The following LNPK variants were observed in gnomAD, a reference collection of about 807,000 sequenced individuals.
LNPK encodes the protein endoplasmic reticulum junction formation protein lunapark.
In LNPK, 29 loss-of-function variants were observed where a neutral mutation model predicts 55.2. The ratio of observed to expected loss-of-function variants is 0.53; its 90% CI spans 0.39 to 0.72. The LOEUF (loss-of-function observed/expected upper bound fraction) is 0.72, where lower values mean the gene tolerates loss of function less well. LNPK is among the 30% of genes least tolerant of loss of function. The pLI is 0.00. For synonymous variants in LNPK, 162 were observed against 168.2 expected (o/e 0.96, Z 0.29); for missense variants, 467 against 494.8 (o/e 0.94, Z 0.53).
chr2:175,998,783 C>T (rs1688055834), intron 1 of LNPK, among the ~76,000 whole-genome samples: 2 of 152,048 alleles, frequency 1.3e-5, no homozygotes, highest in Non-Finnish European at 2.9e-5. Flanking sequence ...AATGATTTGC[C>T]AAAATCATGT....
rs1028487618 is a variant in LNPK at position 175,924,251 on chromosome 2, C to G, written c.*5716G>C. 3 of 152,180 alleles carry G rather than the reference C, an allele frequency of 2.0e-5. No individual in the cohort carries two copies. The highest frequency in any genetic ancestry group is 7.2e-5 in the African/African-American group (3 of 41,446). 9.4% of individuals were successfully genotyped at this position (152,180 alleles called of 1,614,324 possible). A position where few individuals can be genotyped will look rare whatever the true frequency, so the allele number is the denominator to read the frequency against. On this transcript the variant is annotated 3_prime_UTR_variant, in exon 13 of 13. Transcript: ENST00000272748. Reference sequence around the variant, plus strand: ...ATATTCTCCCAATTTTCTAGAGTAGCTAGTCTCCATGACCATTTCAAAATA... The same window carrying G: ...ATATTCTCCCAATTTTCTAGAGTAGGTAGTCTCCATGACCATTTCAAAATA...
chr2:175,995,991 T>C (rs1687914817), intron 1 of LNPK, among the ~76,000 whole-genome samples: 1 of 151,930 alleles, frequency 6.6e-6, no homozygotes, highest in African/African-American at 2.4e-5. Flanking sequence ...TTTTGTATTC[T>C]TGGTAGAGAC....
At chr2:175,993,935 G>A (rs1687818634) in intron 2 of LNPK, among the ~76,000 whole-genome samples, 1 of 152,110 alleles carries the variant, frequency 6.6e-6, no homozygotes, top group South Asian at 2.1e-4. Flanking sequence ...ATTGCTAAAA[G>A]TTCACTTAAG....
chr2:175,963,439 G>C (rs1191194679), intron 8 of LNPK, among the ~76,000 whole-genome samples: 2 of 152,090 alleles, frequency 1.3e-5, no homozygotes, highest in Non-Finnish European at 2.9e-5. Context: ...ATCATTCTCA[G>C]TAAACTATCA....
At position 175,937,397 on chromosome 2, in the gene LNPK, A is replaced by G. The variant is rs1040316125; in HGVS notation, c.1001T>C (p.Val334Ala). Residue 334 changes from valine (V) to alanine (A), a missense_variant, in exon 12 of 13, where the codon GTT (valine) becomes GCT (alanine). By Grantham distance (64) the Val-to-Ala change is moderately conservative (BLOSUM62 0). Transcript: ENST00000272748. ...CACACTTCCTGATGGCAAGGGACCA[A>G]CTGAACTTGAACCTTCCACCACCTG... ...KRQVVEGSSS[V>A]GPLPSGSVLS... The G allele has an allele frequency of 5.0e-6, 8 of 1,613,776 alleles. No individual in the cohort carries two copies. Among genetic ancestry groups the G allele is most frequent in the Middle Eastern group, 3.3e-4 (2 of 6,060 alleles).
At chr2:175,994,066 A>T in intron 2 of LNPK, 1 of 450,568 alleles carries the variant, frequency 2.2e-6, no homozygotes, top group Non-Finnish European at 2.9e-6. Context: ...TTTGCCAATG[A>T]TATTTTTTAT....
At chr2:175,976,891 G>A (rs1413604170) in intron 5 of LNPK, among the ~76,000 whole-genome samples, 1 of 152,150 alleles carries the variant, frequency 6.6e-6, no homozygotes, top group Admixed American at 6.6e-5. Context: ...ATAATTGCAT[G>A]AGCCAATTCC....
At chr2:175,987,378 A>G (rs1419645862) in intron 4 of LNPK, among the ~76,000 whole-genome samples, 1 of 152,208 alleles carries the variant, frequency 6.6e-6, no homozygotes, top group African/African-American at 2.4e-5. Flanking sequence ...TTGTATGGAC[A>G]TGGATGAAAC....
At chr2:175,935,810 T>C (rs1684517531) in intron 12 of LNPK, 1 of 721,512 alleles carries the variant, frequency 1.4e-6, no homozygotes, top group African/African-American at 1.9e-5. Flanking sequence ...ATGAGAAGGA[T>C]AGGTATAGCT....
intron 12 of LNPK, among the ~76,000 whole-genome samples, chr2:175,932,494 A>AT (rs1684324355): frequency 6.6e-6 from 1 of 152,180 alleles, no homozygotes; most frequent in African/African-American, 2.4e-5. Context: ...CCTATTAATG[A>AT]TTAAGTTTCT....
chr2:175,997,459 T>C (rs182489522), intron 1 of LNPK, among the ~76,000 whole-genome samples: 16 of 152,248 alleles, frequency 1.1e-4, no homozygotes, highest in Admixed American at 3.3e-4. Flanking sequence ...ATGAATCACT[T>C]GTTATTCTCA....
chr2:175,985,554 T>C (rs1391760680), intron 4 of LNPK, among the ~76,000 whole-genome samples: 1 of 152,200 alleles, frequency 6.6e-6, no homozygotes, highest in Admixed American at 6.5e-5. Context: ...TAAAGGCATA[T>C]CTTCCCGTTT....
chr2:175,993,498 A>G (rs1687791330), intron 2 of LNPK, among the ~76,000 whole-genome samples: 1 of 152,146 alleles, frequency 6.6e-6, no homozygotes, highest in African/African-American at 2.4e-5. Flanking sequence ...TCTTAACCTC[A>G]ATAGAACACA....
At chr2:175,981,916 T>C (rs1172649862) in intron 4 of LNPK, among the ~76,000 whole-genome samples, 1 of 152,166 alleles carries the variant, frequency 6.6e-6, no homozygotes, top group Non-Finnish European at 1.5e-5. Flanking sequence ...TACTAAGTTT[T>C]GGGGCAATCT....
In LNPK at chr2:175,924,610, T is replaced by C. The variant is rs1441372252; in HGVS notation, c.*5357A>G. ...TCTGGCTTGGCTCAGGTGCCTGCTATCCCTATGACCCTGTGTCTTAGCCCA... is the reference window on the plus strand; with the variant it reads ...TCTGGCTTGGCTCAGGTGCCTGCTACCCCTATGACCCTGTGTCTTAGCCCA... On this transcript the variant is annotated 3_prime_UTR_variant, in exon 13 of 13. Coordinates refer to ENST00000272748, the MANE Select transcript of LNPK (RefSeq NM_030650.3). 1 of 151,636 alleles carries C rather than the reference T, an allele frequency of 6.6e-6. No individual in the cohort carries two copies. Among genetic ancestry groups the C allele is most frequent in the African/African-American group, 2.4e-5 (1 of 41,242 alleles). The allele number at this position is 151,636 out of a possible 1,614,324, so 9.4% of individuals were successfully genotyped here. A position where few individuals can be genotyped will look rare whatever the true frequency, so the allele number is the denominator to read the frequency against.
At chr2:175,993,730 T>C (rs893237678) in intron 2 of LNPK, among the ~76,000 whole-genome samples, 1 of 151,950 alleles carries the variant, frequency 6.6e-6, no homozygotes, top group Non-Finnish European at 1.5e-5. Flanking sequence ...GAGCCAGAGG[T>C]TGCAGTGAGC....
intron 9 of LNPK, among the ~76,000 whole-genome samples, chr2:175,943,609 C>CATTTAAAA (rs1684973514): frequency 2.0e-5 from 3 of 152,024 alleles, no homozygotes; most frequent in African/African-American, 7.2e-5. Flanking sequence ...GTTAGTTTAA[C>CATTTAAAA]ATTTAAAAAT....
chr2:175,966,169 A>G (rs1281921046), intron 6 of LNPK, among the ~76,000 whole-genome samples: 1 of 152,068 alleles, frequency 6.6e-6, no homozygotes. Context: ...GGTTCAAGCG[A>G]TTCTCTGCCT....
chr2:175,973,300 T>C (rs1215021590), intron 5 of LNPK, among the ~76,000 whole-genome samples: 1 of 152,202 alleles, frequency 6.6e-6, no homozygotes, highest in Non-Finnish European at 1.5e-5. Context: ...ACTTTGCCAT[T>C]GCTAAGCCAT....
Sources: allele counts gnomAD v4.1 joint callset (sites outside exome capture counted in the v4.1 genomes callset), GRCh38; gene constraint gnomAD v4.1.1; transcripts MANE v1.5; gene names NCBI Gene and HGNC (gene_info 2026-07-23, HGNC 2026-07-21).